Variants in CRISPLD2 observed in about 807,000 individuals in gnomAD.
CRISPLD2 encodes cysteine rich secretory protein LCCL domain containing 2, also known as cysteine-rich secretory protein LCCL domain-containing 2.
Under a neutral mutation model 71.1 loss-of-function variants are expected in CRISPLD2, and 47 were observed. The observed-to-expected ratio is 0.66, with a 90% confidence interval of 0.52 to 0.84. The LOEUF is 0.84. Among genes scored for constraint, CRISPLD2 ranks in the 40% least tolerant of loss-of-function variants. The pLI is 0.00. For synonymous variants in CRISPLD2, 317 were observed against 250.1 expected (o/e 1.27, Z -2.52); for missense variants, 830 against 651.1 (o/e 1.27, Z -2.99).
intron 14 of CRISPLD2, among the ~76,000 whole-genome samples, chr16:84,904,925 C>A (rs1471857414): frequency 6.6e-5 from 10 of 152,188 alleles, no homozygotes; most frequent in Non-Finnish European, 1.3e-4. Flanking sequence ...AAAGCACAAT[C>A]TATAAATGAA....
chr16:84,868,770 G>T (rs542561008), intron 7 of CRISPLD2, 81 bp from the exon 8 acceptor site: 2 of 1,126,242 alleles, frequency 1.8e-6, no homozygotes, highest in East Asian at 2.4e-5. Context: ...GAATGTTCCA[G>T]AATGTCCCTC....
At chr16:84,862,672 CTTTTTTT>C in intron 6 of CRISPLD2, among the ~76,000 whole-genome samples, 1 of 99,196 alleles carries the variant, frequency 1.0e-5, no homozygotes, top group African/African-American at 4.2e-5. Flanking sequence ...GTGGCCCAGG[CTTTTTTT>C]TTTTTTTTTT....
At chr16:84,847,152 A>C (rs940616172) in intron 3 of CRISPLD2, among the ~76,000 whole-genome samples, 3 of 152,136 alleles carry the variant, frequency 2.0e-5, no homozygotes, top group Non-Finnish European at 2.9e-5. Context: ...CAGCCTCTTA[A>C]AATGTAGGTG....
chr16:84,849,188 C>T, intron 3 of CRISPLD2, 197 bp from the exon 4 acceptor site: 1 of 569,938 alleles, frequency 1.8e-6, no homozygotes, highest in Non-Finnish European at 3.1e-6. Context: ...TCCTCGCTGC[C>T]CGTGGCTGCT....
chr16:84,873,908 T>C lies in CRISPLD2; in HGVS notation c.1113-12T>C, dbSNP rs750726854. 4 of 1,578,598 alleles carry C rather than the reference T, an allele frequency of 2.5e-6. No individual in the cohort carries two copies. Among genetic ancestry groups the C allele is most frequent in the African/African-American group, 1.4e-5 (1 of 72,336 alleles). ...CCTAATGCCCGTTTTTTTTTTTTTT[T>C]TTTTTAAACAGCAAATACAAACCTT... On this transcript the variant is annotated splice_polypyrimidine_tract_variant and intron_variant, in intron 10 of 14. Transcript: ENST00000262424.
intron 8 of CRISPLD2, among the ~76,000 whole-genome samples, chr16:84,871,752 A>G (rs2071471069): frequency 6.6e-6 from 1 of 151,622 alleles, no homozygotes; most frequent in African/African-American, 2.4e-5. Context: ...GGTTTTTGCC[A>G]TCTTGGCCAG....
rs1057372030 is a variant in CRISPLD2 at position 84,873,830 on chromosome 16, A to C, written c.1113-90A>C. 1.5e-5 allele frequency: 18 copies of C among 1,205,512 alleles called. No individual in the cohort carries two copies. The African/African-American group carries it at 2.8e-4, about 19-fold the overall frequency. The allele number at this position is 1,205,512 out of a possible 1,614,324, so 74.7% of individuals were successfully genotyped here. On this transcript the variant is annotated intron_variant, in intron 10 of 14. Coordinates refer to ENST00000262424, the MANE Select transcript of CRISPLD2 (RefSeq NM_031476.4). ...AAGTGTGAAGTCGAGACTGCAAATA[A>C]GATAAGTATAGGAGCAAGCGTTCAC...
intron 3 of CRISPLD2, 40 bp from the exon 4 acceptor site, chr16:84,849,345 G>A (rs755676968): frequency 7.0e-6 from 11 of 1,573,538 alleles, no homozygotes; most frequent in Non-Finnish European, 9.6e-6. Context: ...GGTGGGTGAG[G>A]GGAGGGGCTG....
At chr16:84,884,298 C>T (rs2071593343) in intron 13 of CRISPLD2, among the ~76,000 whole-genome samples, 1 of 150,892 alleles carries the variant, frequency 6.6e-6, no homozygotes, top group Admixed American at 6.7e-5. Context: ...GCCCCTCAGT[C>T]ACCTGAGTGT....
At chr16:84,859,306 A>G (rs943195318) in intron 6 of CRISPLD2, among the ~76,000 whole-genome samples, 8 of 152,186 alleles carry the variant, frequency 5.3e-5, no homozygotes, top group African/African-American at 1.9e-4. Flanking sequence ...CCTGACCTCC[A>G]TAAGCCTCTA....
intron 6 of CRISPLD2, chr16:84,863,126 A>T (rs541490557): frequency 1.3e-4 from 20 of 152,310 alleles, no homozygotes; most frequent in African/African-American, 4.3e-4. Flanking sequence ...CTGTCGTCTC[A>T]GCTGCCAGCT....
intron 1 of CRISPLD2, among the ~76,000 whole-genome samples, chr16:84,837,281 C>A (rs192178130): frequency 1.4e-3 from 211 of 152,272 alleles, no homozygotes; most frequent in African/African-American, 5.0e-3. Flanking sequence ...TAGTTGGCCC[C>A]CAGGGACAGA....
chr16:84,834,006 T>C (rs72799550), intron 1 of CRISPLD2, among the ~76,000 whole-genome samples: 27,350 of 152,130 alleles, frequency 0.18, 2,609 homozygotes, highest in Middle Eastern at 0.24. Flanking sequence ...GCCCACTCCG[T>C]GGGAGGCAGC....
intron 1 of CRISPLD2, among the ~76,000 whole-genome samples, chr16:84,834,393 C>T (rs1184831237): frequency 6.6e-6 from 1 of 152,234 alleles, no homozygotes; most frequent in Non-Finnish European, 1.5e-5. Flanking sequence ...GTCCCGGTTC[C>T]GACTGAGCTG....
chr16:84,843,775 G>A (rs1221286912), intron 2 of CRISPLD2, among the ~76,000 whole-genome samples: 1 of 152,230 alleles, frequency 6.6e-6, no homozygotes, highest in African/African-American at 2.4e-5. Flanking sequence ...TGCAAGGCAG[G>A]AAGAGCCCCC....
intron 13 of CRISPLD2, among the ~76,000 whole-genome samples, chr16:84,882,347 C>CAAAA (rs80146835): frequency 4.5e-4 from 35 of 77,450 alleles, no homozygotes; most frequent in South Asian, 9.8e-4. Context: ...ACCAATAAAG[C>CAAAA]AAAAAAAAAA....
intron 13 of CRISPLD2, among the ~76,000 whole-genome samples, chr16:84,888,314 G>A (rs935070139): frequency 6.6e-6 from 1 of 152,234 alleles, no homozygotes; most frequent in Admixed American, 6.5e-5. Flanking sequence ...CGGGAGGATT[G>A]CTTGAGCCCA....
chr16:84,861,231 A>G (rs1337866821), intron 6 of CRISPLD2, among the ~76,000 whole-genome samples: 1 of 152,200 alleles, frequency 6.6e-6, no homozygotes, highest in Non-Finnish European at 1.5e-5. Flanking sequence ...AACCAATGAA[A>G]GAACTCCATC....
At chr16:84,859,295 A>G (rs945272468) in intron 6 of CRISPLD2, among the ~76,000 whole-genome samples, 4 of 152,082 alleles carry the variant, frequency 2.6e-5, no homozygotes, top group African/African-American at 9.7e-5. Context: ...TCCATTAATT[A>G]CCTGACCTCC....
Sources: gnomAD v4.1 joint callset for allele counts (sites outside exome capture counted in the v4.1 genomes callset) on GRCh38, gnomAD v4.1.1 for gene constraint, MANE v1.5 for transcripts, NCBI Gene and HGNC (gene_info 2026-07-23, HGNC 2026-07-21) for gene names.